CACNB2: variants seen among roughly 807,000 people sequenced by gnomAD.
The protein encoded by CACNB2 is voltage-dependent L-type calcium channel subunit beta-2.
Under a neutral mutation model 73.3 loss-of-function variants are expected in CACNB2, and 42 were observed. The observed-to-expected ratio is 0.57, with a 90% CI of 0.45 to 0.74. The LOEUF is 0.74. Among genes scored for constraint, CACNB2 ranks in the 30% least tolerant of loss-of-function variants. The probability of loss-of-function intolerance (pLI) is 0.00; values close to 1 mark genes in which losing one functional copy is unlikely to be tolerated. For synonymous variants in CACNB2, 348 were observed against 310.3 expected, an observed-to-expected ratio of 1.12 and a Z score of -1.28; for missense variants, 940 against 853.0, an observed-to-expected ratio of 1.10 and a Z score of -1.27.
chr10:18,533,862 C>T (rs941976229), intron 10 of CACNB2, among the ~76,000 whole-genome samples: 6 of 152,092 alleles, frequency 3.9e-5, no homozygotes, highest in Non-Finnish European at 8.8e-5. Context: ...ATTCTGTAGC[C>T]GGTTGACAGA....
intron 4 of CACNB2, chr10:18,498,786 T>C (rs1207744687): frequency 3.0e-6 from 1 of 332,438 alleles, no homozygotes; most frequent in East Asian, 7.8e-5. Context: ...TGTTTCACCT[T>C]GACTAGGTGT....
chr10:18,267,498 C>G (rs2037864138), intron 2 of CACNB2, among the ~76,000 whole-genome samples: 1 of 152,022 alleles, frequency 6.6e-6, no homozygotes, highest in Admixed American at 6.6e-5. Flanking sequence ...CCCAGTTACT[C>G]AGGAGGCTGA....
intron 7 of CACNB2, among the ~76,000 whole-genome samples, chr10:18,515,231 G>C (rs768102685): frequency 3.3e-5 from 5 of 152,114 alleles, no homozygotes; most frequent in Non-Finnish European, 5.9e-5. Context: ...GGGTATTCCT[G>C]AGCTCTCCTT....
chr10:18,410,515 A>G (rs2044560253), intron 3 of CACNB2, among the ~76,000 whole-genome samples: 2 of 152,248 alleles, frequency 1.3e-5, no homozygotes, highest in African/African-American at 4.8e-5. Context: ...ATTTCAAAAA[A>G]ATATTAAACA....
At chr10:18,328,576 G>C (rs1332927364) in intron 2 of CACNB2, among the ~76,000 whole-genome samples, 1 of 152,160 alleles carries the variant, frequency 6.6e-6, no homozygotes, top group Non-Finnish European at 1.5e-5. Context: ...GGCACTTAAA[G>C]GGTCCTGCTT....
intron 2 of CACNB2, among the ~76,000 whole-genome samples, chr10:18,282,517 A>T (rs921786658): frequency 6.6e-6 from 1 of 152,210 alleles, no homozygotes; most frequent in Non-Finnish European, 1.5e-5. Flanking sequence ...TCCATTTCCC[A>T]TAAGATGGAA....
At chr10:18,400,952 G>T in intron 2 of CACNB2, 2 of 1,607,198 alleles carry the variant, frequency 1.2e-6, no homozygotes, top group Non-Finnish European at 1.7e-6. Flanking sequence ...GAAAGGAGCT[G>T]GGGTTCTCCG....
chr10:18,140,993 C>A, intron 1 of CACNB2, 137 bp downstream of exon 1: 3 of 1,523,166 alleles, frequency 2.0e-6, no homozygotes, highest in Non-Finnish European at 2.6e-6. Flanking sequence ...ACCCTCTGCT[C>A]CTCTCCTGGC....
At chr10:18,303,600 A>G (rs895658595) in intron 2 of CACNB2, among the ~76,000 whole-genome samples, 1 of 152,224 alleles carries the variant, frequency 6.6e-6, no homozygotes, top group Non-Finnish European at 1.5e-5. Flanking sequence ...AAGAGCCAGT[A>G]CTGAATTCTT....
intron 10 of CACNB2, among the ~76,000 whole-genome samples, chr10:18,531,612 A>T (rs1311059473): frequency 2.6e-5 from 4 of 152,176 alleles, no homozygotes; most frequent in African/African-American, 9.7e-5. Flanking sequence ...TGGTTTAACT[A>T]ATTTACACTC....
chr10:18,412,095 T>G (rs528022048), intron 3 of CACNB2, among the ~76,000 whole-genome samples: 15 of 152,308 alleles, frequency 9.8e-5, no homozygotes, highest in African/African-American at 3.6e-4. Flanking sequence ...TCCATATGGT[T>G]GTTTATCCTC....
chr10:18,402,343 T>A (rs1414977457), intron 3 of CACNB2, among the ~76,000 whole-genome samples: 1 of 150,270 alleles, frequency 6.7e-6, no homozygotes, highest in African/African-American at 2.5e-5. Context: ...CTGCACCTAA[T>A]ATCAACATGT....
At chr10:18,152,805 G>A (rs1468985735) in intron 2 of CACNB2, among the ~76,000 whole-genome samples, 2 of 149,166 alleles carry the variant, frequency 1.3e-5, no homozygotes, top group African/African-American at 4.9e-5. Context: ...CAAGCCGCTT[G>A]TTGAAATTGC....
intron 2 of CACNB2, among the ~76,000 whole-genome samples, chr10:18,360,404 T>C (rs962035319): frequency 1.3e-5 from 2 of 152,148 alleles, no homozygotes; most frequent in Admixed American, 6.6e-5. Flanking sequence ...ATTTTGTTTT[T>C]TGTAGGGATG....
At chr10:18,341,965 A>G (rs1459880702) in intron 2 of CACNB2, among the ~76,000 whole-genome samples, 1 of 152,092 alleles carries the variant, frequency 6.6e-6, no homozygotes, top group Admixed American at 6.6e-5. Flanking sequence ...GTACGTGACA[A>G]TTCTATTTCT....
Position 18,261,328 on chromosome 10 carries a change from A to G in CACNB2, c.213+110353A>G, listed in dbSNP as rs577123395. 43 of 1,551,456 alleles carry G rather than the reference A, an allele frequency of 2.8e-5. 1 individual carries two copies. The South Asian group carries it at 5.0e-4, about 18-fold the overall frequency. On this transcript the variant is annotated intron_variant, in intron 2 of 13. Transcript: ENST00000324631. Reference sequence around the variant, plus strand: ...GTACGGGTGTCCTATGTAAGTTTCTATTGCTGTAGAATTGCAGCTGGGAGC... The same window carrying G: ...GTACGGGTGTCCTATGTAAGTTTCTGTTGCTGTAGAATTGCAGCTGGGAGC...
intron 9 of CACNB2, among the ~76,000 whole-genome samples, chr10:18,526,259 C>T (rs1029217307): frequency 6.6e-6 from 1 of 152,164 alleles, no homozygotes; most frequent in African/African-American, 2.4e-5. Context: ...TAAATATAAG[C>T]CTGGCTACCA....
At chr10:18,445,025 G>A (rs905301226) in intron 3 of CACNB2, among the ~76,000 whole-genome samples, 5 of 152,132 alleles carry the variant, frequency 3.3e-5, no homozygotes, top group Non-Finnish European at 7.4e-5. Flanking sequence ...TTCACCAAGT[G>A]TTTGTTGCTC....
intron 2 of CACNB2, among the ~76,000 whole-genome samples, chr10:18,224,735 T>C (rs1036232325): frequency 3.3e-5 from 5 of 152,174 alleles, no homozygotes; most frequent in East Asian, 1.9e-4. Context: ...CAGTCCAATA[T>C]AGAATCACTC....
Sources: allele counts gnomAD v4.1 joint callset (sites outside exome capture counted in the v4.1 genomes callset), GRCh38; gene constraint gnomAD v4.1.1; transcripts MANE v1.5; gene names NCBI Gene and HGNC (gene_info 2026-07-23, HGNC 2026-07-21).